The following AP3S1 variants were observed in gnomAD, a reference collection of about 807,000 sequenced individuals.
AP3S1 encodes the protein adaptor related protein complex 3 subunit sigma 1.
In AP3S1, 12 loss-of-function variants were observed where a neutral mutation model predicts 21.3. That is an observed-to-expected ratio of 0.56 (90% CI 0.36 to 0.91). The LOEUF is 0.91. AP3S1 is among the 40% of genes least tolerant of loss of function. AP3S1 has a pLI of 0.01. For missense variants in AP3S1, 116 were observed against 225.0 expected (o/e 0.52, Z 3.10); for synonymous variants, 48 against 78.4 (o/e 0.61, Z 2.05).
At chr5:115,911,637 C>G (rs1048155947) in intron 5 of AP3S1, among the ~76,000 whole-genome samples, 1 of 152,016 alleles carries the variant, frequency 6.6e-6, no homozygotes, top group Non-Finnish European at 1.5e-5. Flanking sequence ...TGGTAAACCT[C>G]TTTGAATTGG....
At chr5:115,907,265 C>G (rs917482706) in intron 5 of AP3S1, among the ~76,000 whole-genome samples, 1 of 152,060 alleles carries the variant, frequency 6.6e-6, no homozygotes, top group Admixed American at 6.6e-5. Flanking sequence ...TTTTCCATCT[C>G]TAAATTAGGA....
intron 3 of AP3S1, among the ~76,000 whole-genome samples, chr5:115,881,083 CTG>C (rs1749240002): frequency 6.6e-6 from 1 of 152,044 alleles, no homozygotes; most frequent in African/African-American, 2.4e-5. Flanking sequence ...TATTTTGAGC[CTG>C]TGTGTGTCTT....
At chr5:115,861,869 T>TC (rs1435574640) in intron 1 of AP3S1, among the ~76,000 whole-genome samples, 30 of 144,576 alleles carry the variant, frequency 2.1e-4, no homozygotes, top group Admixed American at 4.8e-4. Context: ...TCTTTTCTTT[T>TC]TTTTTTTTTT....
rs935522965 is a variant in AP3S1, at chr5:115,898,112, G to C, written c.345+2954G>C. Among the ~76,000 whole-genome samples, 5 of 152,162 alleles carry C rather than the reference G, an allele frequency of 3.3e-5. No homozygotes were observed. In the East Asian group the frequency reaches 9.6e-4, roughly 29 times the overall value. The stretch of plus-strand genomic sequence containing the variant: ...CACATGCTGTCATTTTGGGATCCAT[G>C]GTAACAAAGCTGCCACTATCCAGAA... On this transcript the variant is annotated intron_variant, in intron 4 of 5. Coordinates refer to ENST00000316788, the MANE Select transcript of AP3S1 (RefSeq NM_001284.4).
chr5:115,866,777 C>A lies in AP3S1; in HGVS notation c.161+16C>A. 2 of 1,527,350 alleles carry A rather than the reference C, an allele frequency of 1.3e-6. No individual in the cohort carries two copies. Among genetic ancestry groups the A allele is most frequent in the South Asian group, 1.2e-5 (1 of 85,346 alleles). The allele number at this position is 1,527,350 out of a possible 1,614,324, so 94.6% of individuals were successfully genotyped here. A position where few individuals can be genotyped will look rare whatever the true frequency, so the allele number is the denominator to read the frequency against. On this transcript the variant is annotated intron_variant, in intron 2 of 5. Coordinates refer to ENST00000316788, the MANE Select transcript of AP3S1 (RefSeq NM_001284.4). ...AAGGAGGATTGTAAGTAAAGCATTT[C>A]ATAGACATTTCTAAGTTTTGACTAT...
At chr5:115,902,843 G>A in intron 4 of AP3S1, 42 bp from the exon 5 acceptor site, 1 of 1,367,776 alleles carries the variant, frequency 7.3e-7, no homozygotes, top group Non-Finnish European at 1.0e-6. Context: ...CTTCTTTTTA[G>A]TGAATTTTCT....
chr5:115,858,830 C>T (rs976850767), intron 1 of AP3S1, among the ~76,000 whole-genome samples: 13 of 150,378 alleles, frequency 8.6e-5, no homozygotes, highest in Non-Finnish European at 1.6e-4. Context: ...TCTTACTTCT[C>T]TTATATTAAT....
chr5:115,885,677 C>A (rs1250499185), intron 3 of AP3S1, among the ~76,000 whole-genome samples: 2 of 152,180 alleles, frequency 1.3e-5, no homozygotes, highest in Admixed American at 6.5e-5. Context: ...AAAGACACAC[C>A]CAGAAACAAT....
chr5:115,873,140 A>G (rs576484320), intron 3 of AP3S1, among the ~76,000 whole-genome samples: 60 of 152,324 alleles, frequency 3.9e-4, no homozygotes, highest in African/African-American at 1.3e-3. Flanking sequence ...AGATTAAGTC[A>G]TCACCATTGA....
intron 4 of AP3S1, among the ~76,000 whole-genome samples, chr5:115,895,845 C>T (rs1185252225): frequency 2.0e-5 from 3 of 152,114 alleles, no homozygotes; most frequent in South Asian, 2.1e-4. Flanking sequence ...GAAGGAAAAA[C>T]GCTAAGATTA....
At chr5:115,882,639 C>T (rs568109980) in intron 3 of AP3S1, among the ~76,000 whole-genome samples, 1 of 152,292 alleles carries the variant, frequency 6.6e-6, no homozygotes, top group African/African-American at 2.4e-5. Context: ...TCTGTTGACC[C>T]GTGCTGGGAG....
At chr5:115,902,415 A>G (rs1470771645) in intron 4 of AP3S1, among the ~76,000 whole-genome samples, 3 of 152,142 alleles carry the variant, frequency 2.0e-5, no homozygotes, top group Admixed American at 6.5e-5. Context: ...CCTTTTTCCA[A>G]TCTAGAGCCT....
Position 115,908,570 on chromosome 5 carries a change from G to T in AP3S1, c.454-4792G>T, listed in dbSNP as rs530619644. 2.0e-5 allele frequency among the ~76,000 whole-genome samples: 3 copies of T among 152,092 alleles called. No individual in the cohort carries two copies. The South Asian group carries it at 6.2e-4, about 32-fold the overall frequency. On this transcript the variant is annotated intron_variant, in intron 5 of 5. Transcript: ENST00000316788. ...ATAAATCCATGAAAGTCATTAGTCT[G>T]CTCTCTTTTTTTCATGCAGGCAAAT...
intron 3 of AP3S1, among the ~76,000 whole-genome samples, chr5:115,892,533 T>TAACA (rs1750399456): frequency 6.6e-6 from 1 of 152,188 alleles, no homozygotes. Flanking sequence ...GATCTTTATG[T>TAACA]TAAGTGAAAG....
At chr5:115,904,960 CT>C (rs1561527403) in intron 5 of AP3S1, among the ~76,000 whole-genome samples, 2 of 152,146 alleles carry the variant, frequency 1.3e-5, no homozygotes, top group African/African-American at 4.8e-5. Context: ...GAATTTTCAC[CT>C]TTCTAGGTAG....
intron 4 of AP3S1, among the ~76,000 whole-genome samples, chr5:115,902,182 G>A (rs115950517): frequency 0.031 from 4,690 of 152,174 alleles, 253 homozygotes; most frequent in African/African-American, 0.11. Context: ...AAAAATTATA[G>A]CAGAATAGAT....
intron 1 of AP3S1, among the ~76,000 whole-genome samples, chr5:115,851,761 T>TG (rs1473213683): frequency 6.6e-6 from 1 of 152,166 alleles, no homozygotes; most frequent in Non-Finnish European, 1.5e-5. Flanking sequence ...TCTGATTCTG[T>TG]GGTTGCCTTT....
intron 5 of AP3S1, chr5:115,906,898 G>A: frequency 6.8e-7 from 1 of 1,461,720 alleles, no homozygotes; most frequent in East Asian, 2.5e-5. Context: ...CTATAACAAA[G>A]GGAAAGCAAA....
chr5:115,897,044 C>T (rs1750810716), intron 4 of AP3S1, among the ~76,000 whole-genome samples: 1 of 152,066 alleles, frequency 6.6e-6, no homozygotes, highest in Non-Finnish European at 1.5e-5. Context: ...TTTAAAACTT[C>T]TATTTCTCAT....
Sources: gnomAD v4.1 joint callset for allele counts (sites outside exome capture counted in the v4.1 genomes callset) on GRCh38, gnomAD v4.1.1 for gene constraint, MANE v1.5 for transcripts, NCBI Gene and HGNC (gene_info 2026-07-23, HGNC 2026-07-21) for gene names.